Variants in GFOD1 observed in about 807,000 individuals in gnomAD.
GFOD1 encodes glucose-fructose oxidoreductase domain-containing protein 1.
In GFOD1, 9 loss-of-function variants were observed where a neutral mutation model predicts 25.4. The observed-to-expected ratio is 0.35, with a 90% CI of 0.21 to 0.62. The LOEUF is 0.62. Among genes scored for constraint, GFOD1 ranks in the 20% least tolerant of loss-of-function variants. The pLI is 0.72. For synonymous variants in GFOD1, 253 were observed against 245.6 expected (o/e 1.03, Z -0.28); for missense variants, 403 against 556.9 (o/e 0.72, Z 2.78).
At chr6:13,485,416 C>A (rs1758843162) in intron 1 of GFOD1, among the ~76,000 whole-genome samples, 1 of 152,230 alleles carries the variant, frequency 6.6e-6, no homozygotes, top group African/African-American at 2.4e-5. Flanking sequence ...CAGCTCCTCC[C>A]TTCTAATCTG....
intron 1 of GFOD1, among the ~76,000 whole-genome samples, chr6:13,367,401 G>C (rs534971): frequency 6.6e-6 from 1 of 152,128 alleles, no homozygotes; most frequent in Non-Finnish European, 1.5e-5. Context: ...TTCGTTTAAC[G>C]TTTTTCTTTT....
At chr6:13,446,957 T>C (rs550342814) in intron 1 of GFOD1, among the ~76,000 whole-genome samples, 1 of 152,260 alleles carries the variant, frequency 6.6e-6, no homozygotes, top group Admixed American at 6.5e-5. Context: ...TAACAATAAG[T>C]ATTGGCAAAA....
In GFOD1 at chr6:13,481,028, T is replaced by A. The variant is rs573010127; in HGVS notation, c.253+5610A>T. Among the ~76,000 whole-genome samples the A allele has an allele frequency of 3.3e-5, 5 of 152,314 alleles. No individual in the cohort carries two copies. In the East Asian group the frequency reaches 9.7e-4, roughly 29 times the overall value. ...AGTGTCTGGCACTGTCTAAGGGAGATAAGGGTACCCTGGTGAACCAAGCAG... is the reference window on the plus strand; with the variant it reads ...AGTGTCTGGCACTGTCTAAGGGAGAAAAGGGTACCCTGGTGAACCAAGCAG... On this transcript the variant is annotated intron_variant, in intron 1 of 1. Coordinates refer to ENST00000379287, the MANE Select transcript of GFOD1 (RefSeq NM_018988.4).
intron 1 of GFOD1, among the ~76,000 whole-genome samples, chr6:13,419,126 A>G (rs887504587): frequency 6.6e-6 from 1 of 152,318 alleles, no homozygotes; most frequent in Non-Finnish European, 1.5e-5. Flanking sequence ...CCAGGTTGCC[A>G]TATTGGACTT....
At chr6:13,392,208 T>C (rs1401922576) in intron 1 of GFOD1, among the ~76,000 whole-genome samples, 4 of 151,494 alleles carry the variant, frequency 2.6e-5, no homozygotes, top group African/African-American at 7.3e-5. Context: ...TAAAAAAATA[T>C]GAAAATTAGC....
intron 1 of GFOD1, among the ~76,000 whole-genome samples, chr6:13,412,260 G>A (rs964360143): frequency 6.6e-6 from 1 of 152,206 alleles, no homozygotes; most frequent in Non-Finnish European, 1.5e-5. Context: ...GGTCATTGGA[G>A]TGGGCCTTAA....
chr6:13,392,283 A>G (rs1266968312), intron 1 of GFOD1, among the ~76,000 whole-genome samples: 1 of 149,356 alleles, frequency 6.7e-6, no homozygotes, highest in Non-Finnish European at 1.5e-5. Context: ...GGATCACTTG[A>G]GCACGGGAGG....
intron 1 of GFOD1, among the ~76,000 whole-genome samples, chr6:13,439,754 A>G (rs1757885881): frequency 6.6e-6 from 1 of 152,234 alleles, no homozygotes; most frequent in African/African-American, 2.4e-5. Flanking sequence ...TTGAGCTATG[A>G]AACTTTTCAA....
At chr6:13,391,691 C>G (rs1248974978) in intron 1 of GFOD1, among the ~76,000 whole-genome samples, 1 of 152,156 alleles carries the variant, frequency 6.6e-6, no homozygotes, top group African/African-American at 2.4e-5. Flanking sequence ...AGACCAAGGG[C>G]TGAGTCTGAC....
At chr6:13,482,200 A>G (rs1758767893) in intron 1 of GFOD1, among the ~76,000 whole-genome samples, 1 of 148,710 alleles carries the variant, frequency 6.7e-6, no homozygotes, top group Non-Finnish European at 1.5e-5. Flanking sequence ...CTGTATATGT[A>G]AAGATATAAA....
intron 1 of GFOD1, among the ~76,000 whole-genome samples, chr6:13,403,561 G>A (rs1785890519): frequency 6.6e-6 from 1 of 152,174 alleles, no homozygotes; most frequent in African/African-American, 2.4e-5. Flanking sequence ...AAGTACTTGT[G>A]TATCTGTAAA....
intron 1 of GFOD1, among the ~76,000 whole-genome samples, chr6:13,428,558 A>T (rs2127569741): frequency 6.6e-6 from 1 of 152,276 alleles, no homozygotes; most frequent in African/African-American, 2.4e-5. Context: ...CACCCAGCAC[A>T]TTAAAGGCCG....
In GFOD1 at chr6:13,358,518, C is replaced by T. The variant is rs1784902100; in HGVS notation, c.*6225G>A. 1 of 152,224 alleles carries T rather than the reference C, an allele frequency of 6.6e-6. No individual in the cohort carries two copies. The highest frequency in any genetic ancestry group is 2.4e-5 in the African/African-American group (1 of 41,442). The allele number at this position is 152,224 out of a possible 1,614,324, so 9.4% of individuals were successfully genotyped here. ...TCCCTCCCCTGGGCAAGGCACAGGG[C>T]AGAATACTAAATACGTCCAGGTGCC... On this transcript the variant is annotated 3_prime_UTR_variant, in exon 2 of 2. Coordinates refer to ENST00000379287, the MANE Select transcript of GFOD1 (RefSeq NM_018988.4).
chr6:13,470,388 A>G, intron 1 of GFOD1: 3 of 1,549,654 alleles, frequency 1.9e-6, no homozygotes, highest in Non-Finnish European at 2.6e-6. Flanking sequence ...CCTCCAGGGA[A>G]AGCCAGGCTG....
chr6:13,395,570 G>A (rs1301259890), intron 1 of GFOD1, among the ~76,000 whole-genome samples: 1 of 152,234 alleles, frequency 6.6e-6, no homozygotes, highest in African/African-American at 2.4e-5. Flanking sequence ...AGATAAGGGA[G>A]TTAAGCTCTC....
chr6:13,408,563 G>A (rs1785987946), intron 1 of GFOD1, among the ~76,000 whole-genome samples: 1 of 152,110 alleles, frequency 6.6e-6, no homozygotes, highest in African/African-American at 2.4e-5. Flanking sequence ...AGGCCAGTGA[G>A]TCAAAATAAA....
intron 1 of GFOD1, chr6:13,469,671 T>A: frequency 8.5e-7 from 1 of 1,172,772 alleles, no homozygotes; most frequent in Non-Finnish European, 1.1e-6. Flanking sequence ...AGACCTACAG[T>A]TATCTTACTA....
At chr6:13,385,952 T>A (rs1785464401) in intron 1 of GFOD1, among the ~76,000 whole-genome samples, 2 of 152,162 alleles carry the variant, frequency 1.3e-5, no homozygotes, top group South Asian at 4.1e-4. Flanking sequence ...CTCTTCTCCT[T>A]TAGATTTCCT....
chr6:13,441,401 G>A (rs1363695239), intron 1 of GFOD1, among the ~76,000 whole-genome samples: 1 of 152,188 alleles, frequency 6.6e-6, no homozygotes, highest in Non-Finnish European at 1.5e-5. Flanking sequence ...TGTGGCACAC[G>A]TAACTTACGC....
Sources: allele counts gnomAD v4.1 joint callset (sites outside exome capture counted in the v4.1 genomes callset), GRCh38; gene constraint gnomAD v4.1.1; transcripts MANE v1.5; gene names NCBI Gene and HGNC (gene_info 2026-07-23, HGNC 2026-07-21).